SMCHD1: variants seen among roughly 807,000 people sequenced by gnomAD.
The protein encoded by SMCHD1 is structural maintenance of chromosomes flexible hinge domain containing 1, also known as structural maintenance of chromosomes flexible hinge domain-containing protein 1.
SMCHD1 carries 78 observed loss-of-function variants against 254.7 expected under a neutral mutation model. The ratio of observed to expected loss-of-function variants is 0.31; its 90% CI spans 0.26 to 0.37. The LOEUF (loss-of-function observed/expected upper bound fraction) is 0.37. Among genes scored for constraint, SMCHD1 ranks in the 10% least tolerant of loss-of-function variants. The pLI is 1.00. For missense variants in SMCHD1, 1,840 were observed against 2,408.1 expected (o/e 0.76, Z 4.94); for synonymous variants, 766 against 794.9 (o/e 0.96, Z 0.61).
At chr18:2,783,221 A>G (rs766001495) in intron 44 of SMCHD1, among the ~76,000 whole-genome samples, 80 of 152,344 alleles carry the variant, frequency 5.3e-4, no homozygotes, top group Middle Eastern at 3.4e-3. Context: ...ATTTCCGTAT[A>G]CATCGTTCAC....
At chr18:2,785,670 A>AAAAAAATAG (rs57180698) in intron 45 of SMCHD1, among the ~76,000 whole-genome samples, 1 of 97,932 alleles carries the variant, frequency 1.0e-5, no homozygotes, top group Non-Finnish European at 1.9e-5. Flanking sequence ...AAAAAAAAAA[A>AAAAAAATAG]ACAGTTCATT....
At chr18:2,773,613 C>G (rs1013595830) in intron 41 of SMCHD1, among the ~76,000 whole-genome samples, 2 of 152,136 alleles carry the variant, frequency 1.3e-5, no homozygotes, top group African/African-American at 4.8e-5. Flanking sequence ...AAATACTCTT[C>G]CTGGCATTTA....
At chr18:2,733,117 A>T (rs577507900) in intron 25 of SMCHD1, among the ~76,000 whole-genome samples, 1 of 152,240 alleles carries the variant, frequency 6.6e-6, no homozygotes, top group Admixed American at 6.5e-5. Context: ...GCTTTTTAGC[A>T]TTCCTTTGAT....
chr18:2,685,094 A>ATTTTTTTTTTTTTT (rs372694951), intron 5 of SMCHD1, among the ~76,000 whole-genome samples: 5 of 81,894 alleles, frequency 6.1e-5, no homozygotes, highest in African/African-American at 1.0e-4. Flanking sequence ...TCTGTCCCTT[A>ATTTTTTTTTTTTTT]TTTTTTTCTT....
chr18:2,686,311 A>G (rs2074050910), intron 5 of SMCHD1, among the ~76,000 whole-genome samples: 1 of 152,210 alleles, frequency 6.6e-6, no homozygotes, highest in Admixed American at 6.5e-5. Context: ...CAGATGTTGC[A>G]TTTTCAGACT....
chr18:2,728,792 A>G (rs1353131546), intron 23 of SMCHD1, 196 bp downstream of exon 23: 1 of 489,870 alleles, frequency 2.0e-6, no homozygotes, highest in African/African-American at 2.0e-5. Context: ...AACTGTGCCC[A>G]GTTTCATAAA....
rs2076097636 is a variant in SMCHD1, at chr18:2,778,159, A to T, written c.5477-10A>T. The T allele has an allele frequency of 6.3e-7, 1 of 1,583,560 alleles. No individual in the cohort carries two copies. The highest frequency in any genetic ancestry group is 8.6e-7 in the Non-Finnish European group (1 of 1,162,138). ...CATAATTTTCAAAATTCATTTATTG[A>T]CTTTTTTAGTATTTGGTATGCTGTT... On this transcript the variant is annotated splice_polypyrimidine_tract_variant and intron_variant, in intron 43 of 47. Coordinates refer to ENST00000320876, the MANE Select transcript of SMCHD1 (RefSeq NM_015295.3).
intron 45 of SMCHD1, among the ~76,000 whole-genome samples, chr18:2,792,322 C>T (rs2076181447): frequency 1.3e-5 from 2 of 152,190 alleles, no homozygotes; most frequent in Admixed American, 6.5e-5. Flanking sequence ...TGTCAACATG[C>T]TGTACAGTTT....
chr18:2,771,589 C>T lies in SMCHD1; in HGVS notation c.5023C>T (p.His1675Tyr). ...EAQLRNELKI[H>Y]NIDIPTTQQV... Reference sequence around the variant, plus strand: ...CCAATTGCGAAATGAACTAAAAATACATAATATTGACATTCCTACAACACA... The same window carrying T: ...CCAATTGCGAAATGAACTAAAAATATATAATATTGACATTCCTACAACACA... Residue 1675 changes from histidine (H) to tyrosine (Y), a missense_variant, in exon 40 of 48, where the codon CAT becomes TAT. Physicochemically the swap from His to Tyr is moderately conservative, Grantham distance 83 (BLOSUM62 2). Around this residue, in one of 9 missense-constraint regions of SMCHD1, gnomAD observed 881 missense variants for 1,009.5 expected, o/e 0.87. Coordinates refer to ENST00000320876, the MANE Select transcript of SMCHD1 (RefSeq NM_015295.3). 6.4e-7 allele frequency: 1 copy of T among 1,568,256 alleles called. No homozygotes were observed. Among genetic ancestry groups the T allele is most frequent in the Non-Finnish European group, 8.6e-7 (1 of 1,167,512 alleles).
intron 37 of SMCHD1, among the ~76,000 whole-genome samples, chr18:2,764,867 ATTTC>A (rs921917949): frequency 6.6e-6 from 1 of 152,158 alleles, no homozygotes; most frequent in African/African-American, 2.4e-5. Context: ...TGCATATATT[ATTTC>A]TTTAAGAAAT....
rs140303476 is a variant in SMCHD1 at position 2,780,711 on chromosome 18, A to G, written c.5547+2472A>G. On this transcript the variant is annotated intron_variant, in intron 44 of 47. Coordinates refer to ENST00000320876, the MANE Select transcript of SMCHD1 (RefSeq NM_015295.3). ...TGATTTGTAGCTTTTGCCAATTTCTATGGTGTAAGTACTTGTATCATGGAT... is the reference window on the plus strand; with the variant it reads ...TGATTTGTAGCTTTTGCCAATTTCTGTGGTGTAAGTACTTGTATCATGGAT... 2.1e-3 allele frequency among the ~76,000 whole-genome samples: 315 copies of G among 152,270 alleles called. 1 individual carries two copies. The highest frequency in any genetic ancestry group is 7.0e-3 in the African/African-American group (292 of 41,554).
intron 4 of SMCHD1, 108 bp from the exon 5 acceptor site, chr18:2,673,907 A>T: frequency 9.4e-7 from 1 of 1,064,164 alleles, no homozygotes; most frequent in Non-Finnish European, 1.3e-6. Context: ...CACTTCCATC[A>T]GTAATGTATA....
chr18:2,736,175 T>A (rs1278206064), intron 25 of SMCHD1, among the ~76,000 whole-genome samples: 1 of 152,198 alleles, frequency 6.6e-6, no homozygotes. Flanking sequence ...CCCTATTCAA[T>A]AAATGGTGCC....
At chr18:2,769,886 C>T in intron 38 of SMCHD1, 66 bp downstream of exon 38, 1 of 1,551,956 alleles carries the variant, frequency 6.4e-7, no homozygotes, top group South Asian at 1.2e-5. Flanking sequence ...CCTTGTTTTG[C>T]TTTCCATTAA....
At chr18:2,725,269 C>CG (rs1283978952) in intron 21 of SMCHD1, among the ~76,000 whole-genome samples, 1 of 150,896 alleles carries the variant, frequency 6.6e-6, no homozygotes, top group East Asian at 1.9e-4. Context: ...CATTCAAAGC[C>CG]ATTTTTTCGA....
intron 26 of SMCHD1, among the ~76,000 whole-genome samples, chr18:2,739,201 A>C (rs1163277856): frequency 2.0e-5 from 3 of 152,208 alleles, no homozygotes; most frequent in African/African-American, 7.2e-5. Context: ...ACTGTGACTT[A>C]ACATGTCTGT....
chr18:2,784,603 A>G lies in SMCHD1; in HGVS notation c.5701A>G (p.Ile1901Val), dbSNP rs531557946. The change falls in exon 45 of 48, where the codon ATC becomes GTC. Residue 1901 changes from isoleucine (I) to valine (V), a missense_variant. By Grantham distance (29) the Ile-to-Val change is conservative. Transcript: ENST00000320876. ...AGCTCCAGTTCCAAAACAGTGTCTG[A>G]TCTTAGGGGAACAAATAGGTAAGTT... The part of the protein sequence containing the change: ...FGAPVPKQCL[I>V]LGEQIDLLQQ... 1 of 1,591,976 alleles carries G rather than the reference A, an allele frequency of 6.3e-7. No homozygotes were observed. The highest frequency in any genetic ancestry group is 1.4e-5 in the African/African-American group (1 of 73,660).
chr18:2,663,058 A>G (rs540605098), intron 1 of SMCHD1, among the ~76,000 whole-genome samples: 11 of 152,180 alleles, frequency 7.2e-5, no homozygotes, highest in Admixed American at 6.5e-4. Context: ...ATAACTAGTG[A>G]TGTTGATCTT....
intron 41 of SMCHD1, 111 bp from the exon 42 acceptor site, chr18:2,775,623 A>T: frequency 4.1e-6 from 3 of 728,854 alleles, no homozygotes; most frequent in Non-Finnish European, 6.2e-6. Context: ...GTTTATTTTT[A>T]ATTCATGTGT....
Sources: gnomAD v4.1 joint callset for allele counts (sites outside exome capture counted in the v4.1 genomes callset) on GRCh38, gnomAD v4.1.1 for gene constraint, gnomAD v4.1.1 regional missense constraint, MANE v1.5 for transcripts, NCBI Gene and HGNC (gene_info 2026-07-23, HGNC 2026-07-21) for gene names.